BRCA1: variants seen among roughly 807,000 people sequenced by gnomAD.
The protein encoded by BRCA1 is BRCA1 DNA repair associated, also known as breast cancer type 1 susceptibility protein.
BRCA1 carries 140 observed loss-of-function variants against 173.7 expected under a neutral mutation model. The observed-to-expected ratio is 0.81, with a 90% CI of 0.70 to 0.93. The LOEUF is 0.93. BRCA1 is among the 40% of genes least tolerant of loss of function. The pLI is 0.00. For synonymous variants in BRCA1, 662 were observed against 756.0 expected, an observed-to-expected ratio of 0.88 and a Z score of 2.04; for missense variants, 1,983 against 2,172.5, an observed-to-expected ratio of 0.91 and a Z score of 1.73.
At chr17:43,048,887 G>C (rs1674703725) in intron 21 of BRCA1, among the ~76,000 whole-genome samples, 1 of 152,020 alleles carries the variant, frequency 6.6e-6, no homozygotes, top group African/African-American at 2.4e-5. Flanking sequence ...AGGAGGGGGA[G>C]GGACATATGG....
chr17:43,137,891 A>G (rs2056040342), intron 1 of BRCA1, among the ~76,000 whole-genome samples: 1 of 152,000 alleles, frequency 6.6e-6, no homozygotes, highest in African/African-American at 2.4e-5. Context: ...AAAACAAAAC[A>G]AAAACCCAAA....
intron 1 of BRCA1, chr17:43,142,697 T>C (rs2056083713): frequency 6.6e-6 from 1 of 152,184 alleles, no homozygotes; most frequent in Admixed American, 6.5e-5. Context: ...AAATTGTAAA[T>C]GGTAGCTGCT....
At chr17:43,079,131 A>C (rs2052880091) in intron 12 of BRCA1, among the ~76,000 whole-genome samples, 1 of 152,056 alleles carries the variant, frequency 6.6e-6, no homozygotes, top group Admixed American at 6.6e-5. Flanking sequence ...CCGAAATCAC[A>C]CCATTGCACT....
In BRCA1 at chr17:43,145,329, C is replaced by CTTT. The variant is rs1555603978; in HGVS notation, c.-19-21217_-19-21215dup. 3.4e-3 allele frequency: 1,405 copies of CTTT among 414,690 alleles called. 29 individuals are homozygous for CTTT. Among genetic ancestry groups the CTTT allele is most frequent in the African/African-American group, 0.029 (1,307 of 44,608 alleles). The allele number at this position is 414,690 out of a possible 1,614,324, so 25.7% of individuals were successfully genotyped here. On this transcript the variant is annotated intron_variant, in intron 1 of 7. Coordinates refer to the BRCA1 transcript ENST00000634433. The stretch of plus-strand genomic sequence containing the variant: ...CAATTCAGAGGAATTTTTTTTCTTT[C>CTTT]TTTTTTTTTTTTTTTGAGACAGAGT...
Position 43,093,880 on chromosome 17 carries a change from T to G in BRCA1, c.1651A>C (p.Ser551Arg), listed in dbSNP as rs730881472. Residue 551 changes from serine (S) to arginine (R), a missense_variant, in exon 10 of 23, where the codon AGT becomes CGT. Coordinates refer to ENST00000357654, the MANE Select transcript of BRCA1 (RefSeq NM_007294.4). ...QNGQVMNITN[S>R]GHENKTKGDS... The stretch of plus-strand genomic sequence containing the variant: ...CCTTTTGTTTTATTCTCATGACCAC[T>G]ATTAGTAATATTCATCACTTGACCA... The G allele has an allele frequency of 6.2e-7, 1 of 1,613,922 alleles. No individual in the cohort carries two copies. Among genetic ancestry groups the G allele is most frequent in the Non-Finnish European group, 8.5e-7 (1 of 1,179,978 alleles).
In BRCA1 at chr17:43,104,113, T is replaced by C. The variant is rs1555596273; in HGVS notation, c.441+9A>G. 1 of 1,608,954 alleles carries C rather than the reference T, an allele frequency of 6.2e-7. No individual in the cohort carries two copies. Among genetic ancestry groups the C allele is most frequent in the Non-Finnish European group, 8.5e-7 (1 of 1,177,432 alleles). On this transcript the variant is annotated intron_variant, in intron 6 of 22. Transcript: ENST00000357654. ...AGAAGAAGAAGAAGAAGAAAACAAA[T>C]GGTTTTACCAAGGAAGGATTTTCGG...
chr17:43,100,604 TATA>T (rs2054367766), intron 6 of BRCA1, among the ~76,000 whole-genome samples: 3 of 92,220 alleles, frequency 3.3e-5, no homozygotes, highest in South Asian at 7.8e-4. Context: ...ATTATATATA[TATA>T]ACATATATAT....
chr17:43,110,638 C>A, intron 3 of BRCA1: 1 of 375,324 alleles, frequency 2.7e-6, no homozygotes, highest in Non-Finnish European at 5.3e-6. Flanking sequence ...ACATTTATTG[C>A]TCACATTCTA....
At chr17:43,045,896 T>C (rs2152636013) in intron 22 of BRCA1, 94 bp from the exon 23 acceptor site, 1 of 1,539,570 alleles carries the variant, frequency 6.5e-7, no homozygotes, top group Non-Finnish European at 8.9e-7. Flanking sequence ...TTGTATGAGT[T>C]CTTAGGATTA....
rs577371346 is a variant in BRCA1, at chr17:43,100,671, TA to T, written c.442-792del. ...CATATATATAACATATATATATATA[TA>T]TATATAATATATATATATATATATA... On this transcript the variant is annotated intron_variant, in intron 6 of 22. Transcript: ENST00000357654. 5.8e-4 allele frequency among the ~76,000 whole-genome samples: 15 copies of T among 25,972 alleles called. 1 individual carries two copies. The highest frequency in any genetic ancestry group is 4.2e-3 in the South Asian group (2 of 472). 17.0% of individuals were successfully genotyped at this position (25,972 alleles called of 152,430 possible). A position where few individuals can be genotyped will look rare whatever the true frequency, so the allele number is the denominator to read the frequency against.
Position 43,093,616 on chromosome 17 carries a change from A to C in BRCA1, c.1915T>G (p.Leu639Val). 1 of 1,614,090 alleles carries C rather than the reference A, an allele frequency of 6.2e-7. No homozygotes were observed. Among genetic ancestry groups the C allele is most frequent in the Non-Finnish European group, 8.5e-7 (1 of 1,180,008 alleles). The change falls in exon 10 of 23, where the codon TTG becomes GTG. Residue 639 changes from leucine (L) to valine (V), a missense_variant. Transcript: ENST00000357654. ...RNLSPPNCTE[L>V]QIDSCSSSEE... is the part of the protein sequence containing the mutation. ...CTGCTAGAACAACTATCAATTTGCAATTCAGTACAATTAGGTGGGCTTAGA... is the reference window on the plus strand; with the variant it reads ...CTGCTAGAACAACTATCAATTTGCACTTCAGTACAATTAGGTGGGCTTAGA...
intron 1 of BRCA1, chr17:43,140,171 G>C: frequency 3.2e-6 from 1 of 312,736 alleles, no homozygotes; most frequent in African/African-American, 2.2e-5. Context: ...ACAGGACATG[G>C]AGAGCTGCTG....
intron 4 of BRCA1, among the ~76,000 whole-genome samples, chr17:43,105,902 G>A (rs2054740073): frequency 6.6e-6 from 1 of 152,020 alleles, no homozygotes; most frequent in Non-Finnish European, 1.5e-5. Context: ...AGGCCGAGGT[G>A]GGCAGATCAC....
intron 1 of BRCA1, among the ~76,000 whole-genome samples, chr17:43,137,819 G>A (rs2056039729): frequency 6.6e-6 from 1 of 151,870 alleles, no homozygotes; most frequent in Non-Finnish European, 1.5e-5. Flanking sequence ...AGAGGTTGCA[G>A]TGAACCAAGA....
intron 1 of BRCA1, among the ~76,000 whole-genome samples, chr17:43,124,440 GTTTT>G (rs1567823817): frequency 1.3e-5 from 2 of 152,092 alleles, no homozygotes. Context: ...GTTTCTGGTT[GTTTT>G]CTTTTTCTTG....
At chr17:43,059,972 C>G (rs1392984543) in intron 18 of BRCA1, among the ~76,000 whole-genome samples, 1 of 152,164 alleles carries the variant, frequency 6.6e-6, no homozygotes, top group Admixed American at 6.6e-5. Flanking sequence ...GTGGCGCAAT[C>G]TCAGCTCACT....
chr17:43,119,332 G>C (rs2055441851), intron 2 of BRCA1: 2 of 220,970 alleles, frequency 9.1e-6, no homozygotes, highest in East Asian at 1.3e-4. Context: ...ACCTTATTGT[G>C]AAGGGTTGTA....
At position 43,168,392 on chromosome 17, in the gene BRCA1, C is replaced by G; in HGVS notation, c.-20+1734G>C. The G allele has an allele frequency of 7.3e-6, 2 of 275,630 alleles. 1 individual carries two copies. Among genetic ancestry groups the G allele is most frequent in the South Asian group, 6.5e-5 (2 of 30,864 alleles). 17.1% of individuals were successfully genotyped at this position (275,630 alleles called of 1,614,324 possible). A position where few individuals can be genotyped will look rare whatever the true frequency, so the allele number is the denominator to read the frequency against. On this transcript the variant is annotated intron_variant, in intron 1 of 7. Transcript: ENST00000634433. Reference sequence around the variant, plus strand: ...GTGGCTCACGCCTGTAATCACAGCACTTAGGGAGGCCGAGGCGGGCGGATG... The same window carrying G: ...GTGGCTCACGCCTGTAATCACAGCAGTTAGGGAGGCCGAGGCGGGCGGATG...
chr17:43,131,389 T>A, intron 1 of BRCA1: 1 of 348,370 alleles, frequency 2.9e-6, no homozygotes. Flanking sequence ...AAAATAATAA[T>A]AATAATAATA....
Sources: gnomAD v4.1 joint callset for allele counts (sites outside exome capture counted in the v4.1 genomes callset) on GRCh38, gnomAD v4.1.1 for gene constraint, MANE v1.5 for transcripts, NCBI Gene and HGNC (gene_info 2026-07-23, HGNC 2026-07-21) for gene names.